The following PHF12 variants were observed in gnomAD, a reference collection of about 807,000 sequenced individuals.
PHF12 encodes the protein PHD finger protein 12.
In PHF12, 6 loss-of-function variants were observed where a neutral mutation model predicts 99.8. The observed-to-expected ratio is 0.06, with a 90% CI of 0.03 to 0.12. The LOEUF (loss-of-function observed/expected upper bound fraction) is 0.12. Ranked by LOEUF, PHF12 falls within the 10% of genes least tolerant of loss-of-function variation. The probability of loss-of-function intolerance (pLI) is 1.00; values close to 1 mark genes in which losing one functional copy is unlikely to be tolerated. For missense variants in PHF12, 954 were observed against 1,300.1 expected (o/e 0.73, Z 4.09); for synonymous variants, 480 against 514.9 (o/e 0.93, Z 0.92).
chr17:28,920,120 T>C (rs755311880), intron 5 of PHF12, among the ~76,000 whole-genome samples: 1 of 152,204 alleles, frequency 6.6e-6, no homozygotes, highest in Non-Finnish European at 1.5e-5. Context: ...TAAGCAGGGT[T>C]CAAAAGAGGA....
chr17:28,921,046 T>G (rs895305106), intron 5 of PHF12, among the ~76,000 whole-genome samples: 12 of 151,532 alleles, frequency 7.9e-5, no homozygotes, highest in Admixed American at 2.6e-4. Flanking sequence ...GCTAATTTTT[T>G]TTTGTTTGTT....
intron 2 of PHF12, among the ~76,000 whole-genome samples, chr17:28,933,026 A>C (rs188407023): frequency 4.6e-5 from 7 of 152,344 alleles, no homozygotes; most frequent in African/African-American, 1.4e-4. Context: ...AATTACATGC[A>C]CACCAGAGTC....
chr17:28,936,101 C>A (rs7208151), intron 2 of PHF12, among the ~76,000 whole-genome samples: 8 of 152,148 alleles, frequency 5.3e-5, no homozygotes, highest in Non-Finnish European at 1.0e-4. Flanking sequence ...TGGTTCTTGG[C>A]GCTCTAATTA....
Position 28,906,738 on chromosome 17 carries a change from AG to A in PHF12, c.2680+117del. Reference sequence around the variant, plus strand: ...CTCTGTGGCCTGCCCTGGGCCCACGAGGAAGTAGAGCTTGGCCAATAGGACT... The same window carrying A: ...CTCTGTGGCCTGCCCTGGGCCCACGAGAAGTAGAGCTTGGCCAATAGGACT... On this transcript the variant is annotated intron_variant, in intron 14 of 14. Coordinates refer to ENST00000332830, the MANE Select transcript of PHF12 (RefSeq NM_001033561.2). This position sits in a 1 kb window ranked among gnomAD's most constrained non-coding sequence, Gnocchi z 4.2. 3 of 1,436,870 alleles carry A rather than the reference AG, an allele frequency of 2.1e-6. No individual in the cohort carries two copies. Among genetic ancestry groups the A allele is most frequent in the Non-Finnish European group, 2.8e-6 (3 of 1,065,016 alleles). The allele number at this position is 1,436,870 out of a possible 1,614,324, so 89.0% of individuals were successfully genotyped here. A position where few individuals can be genotyped will look rare whatever the true frequency, so the allele number is the denominator to read the frequency against.
rs1390059040 is a variant in PHF12 at position 28,951,181 on chromosome 17, G to A, written c.-221C>T. ...GAGGGGGGAGCGGCCCCTCAGTCCC[G>A]GCCCGGCTGCTGGCTGCACAGTGGG... On this transcript the variant is annotated 5_prime_UTR_variant, in exon 1 of 15. Coordinates refer to ENST00000332830, the MANE Select transcript of PHF12 (RefSeq NM_001033561.2). 2.1e-6 allele frequency: 3 copies of A among 1,412,144 alleles called. No homozygotes were observed. In the Admixed American group the frequency reaches 8.9e-5, roughly 42 times the overall value. 87.5% of individuals were successfully genotyped at this position (1,412,144 alleles called of 1,614,324 possible). A position where few individuals can be genotyped will look rare whatever the true frequency, so the allele number is the denominator to read the frequency against.
In PHF12 at chr17:28,923,653, C is replaced by CAAAAAAAAAAAAAAAA. The variant is rs35263191; in HGVS notation, c.715+240_715+255dup. ...AGCCTGAGTGACAAAGTGAGACTCACAAAAAAAAAAAAAAAAAAAAAAGGA... is the reference window on the plus strand; with the variant it reads ...AGCCTGAGTGACAAAGTGAGACTCACAAAAAAAAAAAAAAAAAAAAAAAAAAAAAAAAAAAAAAGGA... On this transcript the variant is annotated intron_variant, in intron 4 of 14. Coordinates refer to ENST00000332830, the MANE Select transcript of PHF12 (RefSeq NM_001033561.2). Among the ~76,000 whole-genome samples the CAAAAAAAAAAAAAAAA allele has an allele frequency of 9.5e-3, 415 of 43,456 alleles. 30 individuals are homozygous for CAAAAAAAAAAAAAAAA. The highest frequency in any genetic ancestry group is 0.016 in the African/African-American group (168 of 10,366). 28.5% of individuals were successfully genotyped at this position (43,456 alleles called of 152,430 possible). A position where few individuals can be genotyped will look rare whatever the true frequency, so the allele number is the denominator to read the frequency against.
chr17:28,932,377 G>A (rs1598149789), intron 2 of PHF12, among the ~76,000 whole-genome samples: 1 of 152,058 alleles, frequency 6.6e-6, no homozygotes, highest in African/African-American at 2.4e-5. Context: ...CAAATGGTCC[G>A]CTTGCCTCTG....
At chr17:28,938,084 T>C (rs376580581) in intron 2 of PHF12, among the ~76,000 whole-genome samples, 1 of 152,070 alleles carries the variant, frequency 6.6e-6, no homozygotes, top group Non-Finnish European at 1.5e-5. Context: ...AAAAAGGAAA[T>C]AGCCAGGTGA....
chr17:28,910,898 A>G (rs2039947540), intron 10 of PHF12: 1 of 575,410 alleles, frequency 1.7e-6, no homozygotes, highest in African/African-American at 1.9e-5. Context: ...ATCTTTGATT[A>G]TGTGTATATG....
intron 7 of PHF12, 85 bp downstream of exon 7, chr17:28,917,200 G>T (rs117925953): frequency 1.9e-6 from 3 of 1,577,694 alleles, no homozygotes; most frequent in African/African-American, 1.4e-5. Flanking sequence ...CAGTTTCCCT[G>T]CCTGTAAAAT....
At chr17:28,926,602 A>C in intron 3 of PHF12, 2 of 387,050 alleles carry the variant, frequency 5.2e-6, no homozygotes, top group South Asian at 4.2e-5. Flanking sequence ...TCAGTATGCC[A>C]AGTCTCTGGA....
At chr17:28,914,292 C>T (rs751293764) in intron 7 of PHF12, among the ~76,000 whole-genome samples, 1 of 152,140 alleles carries the variant, frequency 6.6e-6, no homozygotes, top group Non-Finnish European at 1.5e-5. Flanking sequence ...AGGTGTAAGA[C>T]TGGCACTGGA....
chr17:28,941,988 A>G (rs1598160580), intron 2 of PHF12, among the ~76,000 whole-genome samples: 1 of 152,196 alleles, frequency 6.6e-6, no homozygotes, highest in African/African-American at 2.4e-5. Context: ...CTAGTGGGTG[A>G]CAGGTGAGCA....
rs550544301 is a variant in PHF12 at position 28,949,916 on chromosome 17, G to A, written c.248+149C>T. 2.3e-6 allele frequency: 2 copies of A among 881,966 alleles called. No homozygotes were observed. Among genetic ancestry groups the A allele is most frequent in the East Asian group, 2.7e-5 (1 of 36,504 alleles). The allele number at this position is 881,966 out of a possible 1,614,324, so 54.6% of individuals were successfully genotyped here. On this transcript the variant is annotated intron_variant, in intron 2 of 14. Transcript: ENST00000332830. This position sits in a 1 kb window ranked among gnomAD's most constrained non-coding sequence, Gnocchi z 4.6. The stretch of plus-strand genomic sequence containing the variant: ...AACTGCCAGAACCCGGCGGACACCT[G>A]GGGGCGGGGAGGTGCTCGCCCCGGC...
chr17:28,943,491 G>C (rs574674101), intron 2 of PHF12, among the ~76,000 whole-genome samples: 1 of 152,056 alleles, frequency 6.6e-6, no homozygotes, highest in Non-Finnish European at 1.5e-5. Flanking sequence ...TTAGTCGGGC[G>C]TGGTGGCGGA....
chr17:28,927,203 T>C, intron 2 of PHF12, 140 bp from the exon 3 acceptor site: 1 of 701,124 alleles, frequency 1.4e-6, no homozygotes, highest in Non-Finnish European at 2.4e-6. Context: ...CCAAAATGCC[T>C]AAGTCAGCAT....
chr17:28,930,837 G>A (rs1484405180), intron 2 of PHF12, among the ~76,000 whole-genome samples: 6 of 152,150 alleles, frequency 3.9e-5, no homozygotes. Flanking sequence ...TTGTGAGGCC[G>A]AGGTGGGTGG....
Position 28,950,059 on chromosome 17 carries a change from C to A in PHF12, c.248+6G>T. The A allele has an allele frequency of 6.2e-7, 1 of 1,608,738 alleles. No homozygotes were observed. Among genetic ancestry groups the A allele is most frequent in the Non-Finnish European group, 8.5e-7 (1 of 1,176,908 alleles). ...AAGAAGCTCCAAAAGGGTCCCCAGA[C>A]CTTACCAGCACTGGAGGTGGAAGGC... is the stretch of plus-strand genomic sequence containing the variant. On this transcript the variant is annotated splice_donor_region_variant and intron_variant, in intron 2 of 14. Coordinates refer to ENST00000332830, the MANE Select transcript of PHF12 (RefSeq NM_001033561.2). The surrounding 1 kb of genome is among the most constrained non-coding windows in gnomAD (Gnocchi z 5.7).
rs201322727 is a variant in PHF12 at position 28,917,337 on chromosome 17, T to G, written c.1082A>C (p.Lys361Thr). 8.7e-5 allele frequency: 140 copies of G among 1,614,132 alleles called. No homozygotes were observed. The East Asian group carries it at 3.1e-3, about 36-fold the overall frequency. The change falls in exon 7 of 15, where the codon AAG becomes ACG. Residue 361 changes from lysine (K) to threonine (T), a missense_variant. Lys to Thr is a moderately conservative substitution (Grantham distance 78). Around this residue, in one of 8 missense-constraint regions of PHF12, gnomAD observed 392 missense variants for 423.1 expected, o/e 0.93. Transcript: ENST00000332830. The part of the protein sequence containing the change: ...KVDFLNRIHK[K>T]HPPNRRVLQS... Reference sequence around the variant, plus strand: ...GAGCACACGCCGGTTAGGGGGGTGCTTCTTGTGGATTCGGTTCAGGAAGTC... The same window carrying G: ...GAGCACACGCCGGTTAGGGGGGTGCGTCTTGTGGATTCGGTTCAGGAAGTC...
Sources: gnomAD v4.1 joint callset for allele counts (sites outside exome capture counted in the v4.1 genomes callset) on GRCh38, gnomAD v4.1.1 for gene constraint, gnomAD v4.1.1 regional missense constraint, Gnocchi (gnomAD v3.1) non-coding constraint, MANE v1.5 for transcripts, NCBI Gene and HGNC (gene_info 2026-07-23, HGNC 2026-07-21) for gene names.